The following ASPRV1 variants were observed in gnomAD, a reference collection of about 807,000 sequenced individuals.
ASPRV1 encodes aspartic peptidase retroviral like 1.
A neutral mutation model predicts 11.0 loss-of-function variants in ASPRV1; 7 were observed. The observed-to-expected ratio is 0.64, with a 90% CI of 0.36 to 1.20. The LOEUF is 1.20. Among genes scored for constraint, ASPRV1 ranks in the 50% most tolerant of loss-of-function variants. ASPRV1 has a pLI of 0.02. For synonymous variants in ASPRV1, 136 were observed against 138.4 expected, an observed-to-expected ratio of 0.98 and a Z score of 0.12; for missense variants, 299 against 320.0, an observed-to-expected ratio of 0.93 and a Z score of 0.50.
chr2:70,021,584 C>T, the ASPRV1 span, among the ~76,000 whole-genome samples: 5 of 152,082 alleles, frequency 3.3e-5, no homozygotes, highest in Admixed American at 2.0e-4. Flanking sequence ...TCCCAGAGTG[C>T]TGGGATTACA....
At chr2:70,056,077 A>AT in the ASPRV1 span, 1 of 152,194 alleles carries the variant, frequency 6.6e-6, no homozygotes, top group Non-Finnish European at 1.5e-5. Context: ...TGCTAAGTAA[A>AT]ATAAGCCCAT....
the ASPRV1 span, among the ~76,000 whole-genome samples, chr2:70,025,025 A>G: frequency 9.2e-5 from 14 of 152,258 alleles, no homozygotes; most frequent in Middle Eastern, 3.2e-3. Context: ...TTCCACATAT[A>G]TAAACACTAT....
chr2:69,995,154 G>A, the ASPRV1 span, among the ~76,000 whole-genome samples: 4 of 151,804 alleles, frequency 2.6e-5, no homozygotes, highest in African/African-American at 9.7e-5. Context: ...GGGAGGCCGA[G>A]GCAGGCAGAT....
chr2:70,026,051 G>A, the ASPRV1 span, among the ~76,000 whole-genome samples: 7 of 152,162 alleles, frequency 4.6e-5, no homozygotes, highest in East Asian at 5.8e-4. Context: ...AGCCAGGCAC[G>A]GTGGCTCATG....
At chr2:69,945,220 CAGAG>C in the ASPRV1 span, among the ~76,000 whole-genome samples, 6,075 of 152,238 alleles carry the variant, frequency 0.04, 302 homozygotes, top group African/African-American at 0.11. Flanking sequence ...GCCTGGGCGA[CAGAG>C]AGAGACCCTG....
the ASPRV1 span, among the ~76,000 whole-genome samples, chr2:69,946,054 T>C: frequency 6.6e-6 from 1 of 152,296 alleles, no homozygotes; most frequent in African/African-American, 2.4e-5. Context: ...ACAGCCGGGC[T>C]GGGTGACACC....
upstream of ASPRV1, chr2:69,964,315 T>C (rs753795537): frequency 4.6e-5 from 21 of 455,256 alleles, no homozygotes; most frequent in South Asian, 2.8e-4. Context: ...TGTCTGTCCA[T>C]ACAGTTCCCT....
At chr2:69,979,141 T>G in the ASPRV1 span, among the ~76,000 whole-genome samples, 3 of 152,112 alleles carry the variant, frequency 2.0e-5, no homozygotes, top group East Asian at 5.8e-4. Flanking sequence ...TTCAAGCGAT[T>G]CTTCTGCCTC....
At chr2:70,078,738 G>T in the ASPRV1 span, among the ~76,000 whole-genome samples, 1 of 152,182 alleles carries the variant, frequency 6.6e-6, no homozygotes, top group South Asian at 2.1e-4. Flanking sequence ...ATAGACCATG[G>T]TAGGGACACT....
the ASPRV1 span, chr2:70,050,338 A>C: frequency 2.0e-5 from 3 of 152,158 alleles, no homozygotes; most frequent in Non-Finnish European, 2.9e-5. Context: ...CACTCTCTTC[A>C]TATCAAAATA....
At chr2:69,997,463 C>T in the ASPRV1 span, among the ~76,000 whole-genome samples, 1 of 152,202 alleles carries the variant, frequency 6.6e-6, no homozygotes, top group African/African-American at 2.4e-5. Context: ...CATCCTCCAC[C>T]ACACTTGTCC....
At chr2:69,943,773 C>T in the ASPRV1 span, among the ~76,000 whole-genome samples, 1 of 152,174 alleles carries the variant, frequency 6.6e-6, no homozygotes, top group African/African-American at 2.4e-5. Context: ...GTCTCATTGG[C>T]GCTCAAGTCC....
chr2:69,950,250 C>T, the ASPRV1 span, among the ~76,000 whole-genome samples: 3 of 152,202 alleles, frequency 2.0e-5, no homozygotes, highest in Admixed American at 1.3e-4. Context: ...AGTGTCCTTC[C>T]CAACACAGCA....
At chr2:70,054,774 C>G in the ASPRV1 span, among the ~76,000 whole-genome samples, 3 of 151,832 alleles carry the variant, frequency 2.0e-5, no homozygotes, top group Admixed American at 2.0e-4. Flanking sequence ...GGTTCCATTC[C>G]TAGTAGAGGT....
chr2:69,982,831 G>A, the ASPRV1 span, among the ~76,000 whole-genome samples: 5,593 of 152,272 alleles, frequency 0.037, 341 homozygotes, highest in African/African-American at 0.13. Flanking sequence ...AGATGGCATC[G>A]CTGCGTCAGA....
chr2:70,049,020 T>C, the ASPRV1 span: 6 of 147,070 alleles, frequency 4.1e-5, no homozygotes, highest in Admixed American at 1.4e-4. Context: ...CCAAGTAAGA[T>C]CACTTTCTTT....
chr2:70,026,615 T>A, the ASPRV1 span, among the ~76,000 whole-genome samples: 1 of 149,846 alleles, frequency 6.7e-6, no homozygotes, highest in Non-Finnish European at 1.5e-5. Context: ...CAAAAAAAAA[T>A]AAAATAAAAT....
chr2:69,956,253 T>C (rs1044956873), downstream of ASPRV1, among the ~76,000 whole-genome samples: 3 of 151,912 alleles, frequency 2.0e-5, no homozygotes, highest in African/African-American at 7.3e-5. Flanking sequence ...AATCAACCAA[T>C]AAATGAGTAG....
At chr2:69,996,214 C>CAAAAAAAAA in the ASPRV1 span, among the ~76,000 whole-genome samples, 2 of 53,874 alleles carry the variant, frequency 3.7e-5, no homozygotes, top group African/African-American at 1.6e-4. Flanking sequence ...CCCCATCTCT[C>CAAAAAAAAA]AAAAAAAAAA....
Sources: gnomAD v4.1 joint callset for allele counts (sites outside exome capture counted in the v4.1 genomes callset) on GRCh38, gnomAD v4.1.1 for gene constraint, MANE v1.5 for transcripts, NCBI Gene and HGNC (gene_info 2026-07-23, HGNC 2026-07-21) for gene names.